VWC2L: variants seen among roughly 807,000 people sequenced by gnomAD.
The protein encoded by VWC2L is von Willebrand factor C domain-containing protein 2-like.
A neutral mutation model predicts 21.6 loss-of-function variants in VWC2L; 10 were observed. The observed-to-expected ratio is 0.46, with a 90% CI of 0.29 to 0.78. The LOEUF (loss-of-function observed/expected upper bound fraction) is 0.78. VWC2L is among the 30% of genes least tolerant of loss of function. VWC2L has a pLI of 0.10. For missense variants in VWC2L, 209 were observed against 277.1 expected, an observed-to-expected ratio of 0.75 and a Z score of 1.74; for synonymous variants, 96 against 94.3, an observed-to-expected ratio of 1.02 and a Z score of -0.10.
At chr2:214,485,192 T>C (rs1165018491) in intron 3 of VWC2L, among the ~76,000 whole-genome samples, 1 of 152,170 alleles carries the variant, frequency 6.6e-6, no homozygotes, top group East Asian at 1.9e-4. Flanking sequence ...TGGTGGTGCA[T>C]GCCTGTAGTC....
chr2:214,546,664 A>G (rs1267082450), intron 3 of VWC2L, among the ~76,000 whole-genome samples: 2 of 152,136 alleles, frequency 1.3e-5, no homozygotes. Flanking sequence ...TTCTATTATA[A>G]TATTTGCATA....
At chr2:214,568,991 T>C (rs1208716262) in intron 3 of VWC2L, among the ~76,000 whole-genome samples, 1 of 152,164 alleles carries the variant, frequency 6.6e-6, no homozygotes, top group African/African-American at 2.4e-5. Context: ...TGCACATTTT[T>C]TCTAGGGGCT....
intron 3 of VWC2L, among the ~76,000 whole-genome samples, chr2:214,520,089 A>ACACACACACACT (rs1412217535): frequency 2.0e-5 from 3 of 150,992 alleles, no homozygotes; most frequent in African/African-American, 7.4e-5. Context: ...ACACACACAC[A>ACACACACACACT]CTTATGTAGA....
chr2:214,498,265 T>C (rs1688839052), intron 3 of VWC2L, among the ~76,000 whole-genome samples: 1 of 152,156 alleles, frequency 6.6e-6, no homozygotes, highest in Admixed American at 6.5e-5. Context: ...ACCACCACTT[T>C]CCACAATGGA....
rs765807170 is a variant in VWC2L, at chr2:214,575,731, G to A, written c.580G>A (p.Glu194Lys). The A allele has an allele frequency of 1.1e-5, 17 of 1,613,396 alleles. No homozygotes were observed. The highest frequency in any genetic ancestry group is 6.6e-5 in the South Asian group (6 of 91,086). Residue 194 changes from glutamate to lysine, a missense_variant, in exon 4 of 4, where the codon GAA (glutamate) becomes AAA (lysine). Glu to Lys is a moderately conservative substitution (Grantham distance 56, BLOSUM62 1). Transcript: ENST00000312504. ...AGCTGGCATTGAAGTGAAAGTGGAC[G>A]AATGTAACATCTGTCATTGTCACAA... The part of the protein sequence containing the change: ...IPAGIEVKVD[E>K]CNICHCHNGD...
chr2:214,438,474 C>T (rs1702715042), intron 3 of VWC2L, among the ~76,000 whole-genome samples: 1 of 151,834 alleles, frequency 6.6e-6, no homozygotes, highest in Admixed American at 6.6e-5. Flanking sequence ...CTCTGGTTAG[C>T]TTTGTCTTAC....
intron 2 of VWC2L, among the ~76,000 whole-genome samples, chr2:214,426,775 T>C (rs966777347): frequency 6.6e-6 from 1 of 152,230 alleles, no homozygotes; most frequent in African/African-American, 2.4e-5. Context: ...GTGGTAGAGA[T>C]AGTGTAGTTT....
Position 214,575,718 on chromosome 2 carries a change from A to C in VWC2L, c.567A>C (p.Glu189Asp), listed in dbSNP as rs1690219538. The stretch of plus-strand genomic sequence containing the variant: ...CGACGATAATTCCAGCTGGCATTGA[A>C]GTGAAAGTGGACGAATGTAACATCT... ...AGTTIIPAGI[E>D]VKVDECNICH... Residue 189 changes from glutamate (E) to aspartate (D), a missense_variant, in exon 4 of 4, where the codon GAA becomes GAC. Physicochemically the swap from Glu to Asp is conservative, Grantham distance 45 (BLOSUM62 2). Transcript: ENST00000312504. 1 of 1,613,406 alleles carries C rather than the reference A, an allele frequency of 6.2e-7. No individual in the cohort carries two copies. The highest frequency in any genetic ancestry group is 1.3e-5 in the African/African-American group (1 of 74,894).
intron 3 of VWC2L, among the ~76,000 whole-genome samples, chr2:214,445,264 A>T (rs1702822100): frequency 6.6e-6 from 1 of 151,454 alleles, no homozygotes; most frequent in African/African-American, 2.4e-5. Context: ...TGAGAGAAGA[A>T]TTTTAAATGG....
chr2:214,506,088 G>A (rs555780477), intron 3 of VWC2L, among the ~76,000 whole-genome samples: 2 of 152,266 alleles, frequency 1.3e-5, no homozygotes, highest in Admixed American at 6.5e-5. Flanking sequence ...AGGAAGGACA[G>A]TTTAATAAAG....
rs1689987760 is a variant in VWC2L at position 214,562,266 on chromosome 2, A to G, written c.521-13406A>G. Among the ~76,000 whole-genome samples, 3 of 152,056 alleles carry G rather than the reference A, an allele frequency of 2.0e-5. No individual in the cohort carries two copies. In the South Asian group the frequency reaches 6.2e-4, roughly 32 times the overall value. ...GTGTTTGGTTTTCTGTTCCCGTGTT[A>G]GTTTGCTGAGGATAATGGCTTCCAG... is the stretch of plus-strand genomic sequence containing the variant. On this transcript the variant is annotated intron_variant, in intron 3 of 3. Coordinates refer to ENST00000312504, the MANE Select transcript of VWC2L (RefSeq NM_001080500.4).
At chr2:214,421,885 CT>C (rs761759449) in intron 2 of VWC2L, among the ~76,000 whole-genome samples, 120 of 76,168 alleles carry the variant, frequency 1.6e-3, no homozygotes, top group South Asian at 2.8e-3. Context: ...TTTCCTACAT[CT>C]TTTTTTTTTT....
rs1320811736 is a variant in VWC2L at position 214,561,433 on chromosome 2, A to C, written c.521-14239A>C. Among the ~76,000 whole-genome samples, 4 of 152,156 alleles carry C rather than the reference A, an allele frequency of 2.6e-5. No individual in the cohort carries two copies. In the East Asian group the frequency reaches 7.7e-4, roughly 29 times the overall value. On this transcript the variant is annotated intron_variant, in intron 3 of 3. Transcript: ENST00000312504. ...GCCACACATGTAATTTTTTGTGTCT[A>C]GTAGCCACATTTTTAAAAAAGTAAA...
intron 3 of VWC2L, among the ~76,000 whole-genome samples, chr2:214,439,839 A>G (rs2126179995): frequency 6.6e-6 from 1 of 152,054 alleles, no homozygotes; most frequent in Non-Finnish European, 1.5e-5. Context: ...AAGAAAGATA[A>G]CAATATGTAT....
chr2:214,563,579 A>AAAAAAAAAAAAAAAC (rs1292993675), intron 3 of VWC2L, among the ~76,000 whole-genome samples: 1 of 119,388 alleles, frequency 8.4e-6, no homozygotes, highest in African/African-American at 2.8e-5. Context: ...AAAAAAAAAA[A>AAAAAAAAAAAAAAAC]AATCAAGTGG....
rs1208400138 is a variant in VWC2L, at chr2:214,476,339, T to G, written c.520+39581T>G. Among the ~76,000 whole-genome samples, 4 of 152,240 alleles carry G rather than the reference T, an allele frequency of 2.6e-5. No individual in the cohort carries two copies. The East Asian group carries it at 7.7e-4, about 29-fold the overall frequency. On this transcript the variant is annotated intron_variant, in intron 3 of 3. Coordinates refer to ENST00000312504, the MANE Select transcript of VWC2L (RefSeq NM_001080500.4). ...TTTATATAGTTTTTAATACTCAGTATGAGGCTTATGGACCACATATTGACA... is the reference window on the plus strand; with the variant it reads ...TTTATATAGTTTTTAATACTCAGTAGGAGGCTTATGGACCACATATTGACA...
At chr2:214,472,357 G>A (rs1250382272) in intron 3 of VWC2L, 1 of 152,180 alleles carries the variant, frequency 6.6e-6, no homozygotes, top group African/African-American at 2.4e-5. Flanking sequence ...TTTGCTAAGT[G>A]TCAAAACTAC....
chr2:214,451,285 A>G (rs904695144), intron 3 of VWC2L, among the ~76,000 whole-genome samples: 1 of 135,674 alleles, frequency 7.4e-6, no homozygotes, highest in Non-Finnish European at 1.6e-5. Flanking sequence ...AATCCTTCCT[A>G]AGGAAGGATA....
At chr2:214,483,547 T>C (rs1011259695) in intron 3 of VWC2L, among the ~76,000 whole-genome samples, 6 of 152,166 alleles carry the variant, frequency 3.9e-5, no homozygotes, top group African/African-American at 1.4e-4. Flanking sequence ...TTCTCTTTTA[T>C]CAATTATGGA....
Sources: gnomAD v4.1 joint callset for allele counts (sites outside exome capture counted in the v4.1 genomes callset) on GRCh38, gnomAD v4.1.1 for gene constraint, MANE v1.5 for transcripts, NCBI Gene and HGNC (gene_info 2026-07-23, HGNC 2026-07-21) for gene names.